Variants in VGLL3 observed in about 807,000 individuals in gnomAD.
The protein encoded by VGLL3 is vestigial like family member 3, also known as transcription cofactor vestigial-like protein 3.
VGLL3 carries 18 observed loss-of-function variants against 29.2 expected under a neutral mutation model. The observed-to-expected ratio is 0.62, with a 90% CI of 0.43 to 0.91. The LOEUF is 0.91. Among genes scored for constraint, VGLL3 ranks in the 40% least tolerant of loss-of-function variants. VGLL3 has a pLI of 0.00. For missense variants in VGLL3, 440 were observed against 413.2 expected, an observed-to-expected ratio of 1.06 and a Z score of -0.56; for synonymous variants, 180 against 151.8, an observed-to-expected ratio of 1.19 and a Z score of -1.36.
At chr3:86,962,152 C>T in intron 3 of VGLL3, 5 of 985,356 alleles carry the variant, frequency 5.1e-6, no homozygotes, top group Non-Finnish European at 6.0e-6. Flanking sequence ...ATAACAGCCT[C>T]TTGGTAAAGA....
At chr3:86,983,887 T>C (rs1212772329) in intron 1 of VGLL3, among the ~76,000 whole-genome samples, 1 of 152,152 alleles carries the variant, frequency 6.6e-6, no homozygotes, top group Non-Finnish European at 1.5e-5. Flanking sequence ...AATATGCAAA[T>C]TACTGGGTCA....
At chr3:86,963,734 C>G (rs950952217) in intron 3 of VGLL3, among the ~76,000 whole-genome samples, 2 of 152,100 alleles carry the variant, frequency 1.3e-5, no homozygotes, top group African/African-American at 4.8e-5. Flanking sequence ...TCAAAACAAT[C>G]CTATTAGGCA....
chr3:86,953,176 T>G (rs1704648866), intron 3 of VGLL3, among the ~76,000 whole-genome samples: 1 of 152,136 alleles, frequency 6.6e-6, no homozygotes, highest in African/African-American at 2.4e-5. Context: ...TCAAGTTACA[T>G]AGTGTTTAGA....
intron 1 of VGLL3, 84 bp downstream of exon 1, chr3:86,990,534 C>G: frequency 7.7e-7 from 1 of 1,301,802 alleles, no homozygotes. Context: ...CCACGCGTGC[C>G]GGCGGGACGT....
intron 3 of VGLL3, among the ~76,000 whole-genome samples, chr3:86,952,594 A>G (rs146990672): frequency 8.5e-5 from 13 of 152,320 alleles, no homozygotes; most frequent in South Asian, 2.1e-4. Context: ...TAGCATTTGT[A>G]TGGGTAAGTG....
intron 1 of VGLL3, among the ~76,000 whole-genome samples, chr3:86,988,928 G>C (rs1264949610): frequency 6.6e-6 from 1 of 151,842 alleles, no homozygotes; most frequent in Non-Finnish European, 1.5e-5. Context: ...GTTGTCTTCA[G>C]TATGTTGACG....
chr3:86,990,603 C>T lies in VGLL3; in HGVS notation c.126+15G>A, dbSNP rs746776435. ...TCGCCCCCGCCCCCAGCAGGCTGCC[C>T]GTCCGGTGACTCACCTGCTGGCCAG... On this transcript the variant is annotated intron_variant, in intron 1 of 3. Coordinates refer to ENST00000398399, the MANE Select transcript of VGLL3 (RefSeq NM_016206.4). 25 of 1,335,900 alleles carry T rather than the reference C, an allele frequency of 1.9e-5. No individual in the cohort carries two copies. Among genetic ancestry groups the T allele is most frequent in the Non-Finnish European group, 2.4e-5 (25 of 1,034,370 alleles). The allele number at this position is 1,335,900 out of a possible 1,614,324, so 82.8% of individuals were successfully genotyped here.
At chr3:86,987,869 C>T (rs989633471) in intron 1 of VGLL3, among the ~76,000 whole-genome samples, 4 of 152,150 alleles carry the variant, frequency 2.6e-5, no homozygotes, top group Admixed American at 2.6e-4. Flanking sequence ...CTACAACATG[C>T]AATATGTTCA....
At chr3:86,964,064 T>G (rs1704911149) in intron 3 of VGLL3, among the ~76,000 whole-genome samples, 1 of 152,044 alleles carries the variant, frequency 6.6e-6, no homozygotes, top group East Asian at 1.9e-4. Context: ...ACCCATGAAT[T>G]AAGAATGCAG....
At position 86,978,659 on chromosome 3, in the gene VGLL3, A is replaced by G; in HGVS notation, c.270T>C (p.Leu90=). ...CAATGTCTCCCTGGAAATAAGTGAAAAGGACACAGCGAGAGTTAAGGTACT... is the reference window on the plus strand; with the variant it reads ...CAATGTCTCCCTGGAAATAAGTGAAGAGGACACAGCGAGAGTTAAGGTACT... The part of the protein sequence containing the change: ...EMEYLNSRCV[L]FTYFQGDIGS... The change falls in exon 2 of 4, where the codon CTT becomes CTC. Residue 90 remains leucine, a synonymous_variant. Transcript: ENST00000398399. 6.2e-7 allele frequency: 1 copy of G among 1,614,098 alleles called. No homozygotes were observed. The highest frequency in any genetic ancestry group is 8.5e-7 in the Non-Finnish European group (1 of 1,180,000).
chr3:86,952,943 C>T (rs1704645407), intron 3 of VGLL3, among the ~76,000 whole-genome samples: 1 of 152,082 alleles, frequency 6.6e-6, no homozygotes, highest in South Asian at 2.1e-4. Flanking sequence ...ATTTGTTTGT[C>T]TGAGCCCTGA....
chr3:86,982,593 C>G (rs1705349848), intron 1 of VGLL3, among the ~76,000 whole-genome samples: 2 of 152,014 alleles, frequency 1.3e-5, no homozygotes, highest in Non-Finnish European at 2.9e-5. Flanking sequence ...AACATCGAGA[C>G]TAAATATCAA....
At chr3:86,966,132 C>A (rs78557435) in intron 3 of VGLL3, among the ~76,000 whole-genome samples, 20 of 152,178 alleles carry the variant, frequency 1.3e-4, no homozygotes, top group African/African-American at 4.8e-4. Context: ...CCTGCTTGTG[C>A]CTTTTGTAGG....
intron 3 of VGLL3, among the ~76,000 whole-genome samples, chr3:86,954,375 T>G (rs911985962): frequency 6.6e-6 from 1 of 152,176 alleles, no homozygotes; most frequent in African/African-American, 2.4e-5. Context: ...AGCAAGCCAC[T>G]TTATTCTGTT....
At chr3:86,961,751 A>G (rs1004851186) in intron 3 of VGLL3, among the ~76,000 whole-genome samples, 1 of 152,192 alleles carries the variant, frequency 6.6e-6, no homozygotes, top group Non-Finnish European at 1.5e-5. Flanking sequence ...AACCTAGGTT[A>G]CACGCAGCTT....
chr3:86,967,855 A>G (rs1343655266), intron 3 of VGLL3, among the ~76,000 whole-genome samples: 1 of 152,196 alleles, frequency 6.6e-6, no homozygotes, highest in Non-Finnish European at 1.5e-5. Flanking sequence ...CTTCAGAACT[A>G]TTGAATTCCA....
intron 1 of VGLL3, among the ~76,000 whole-genome samples, chr3:86,985,344 CTTT>C (rs1346773211): frequency 1.3e-5 from 2 of 152,178 alleles, no homozygotes; most frequent in Admixed American, 6.5e-5. Context: ...AAAGGATAGA[CTTT>C]TAGAGTCCCC....
chr3:86,978,475 G>T, intron 2 of VGLL3, 51 bp downstream of exon 2: 1 of 1,583,972 alleles, frequency 6.3e-7, no homozygotes, highest in Non-Finnish European at 8.6e-7. Flanking sequence ...GGTACAGGCA[G>T]TTGCGAAACA....
rs560857465 is a variant in VGLL3, at chr3:86,962,444, A to T, written c.937+6146T>A. 18 of 985,438 alleles carry T rather than the reference A, an allele frequency of 1.8e-5. 1 individual carries two copies. In the East Asian group the frequency reaches 1.6e-3, roughly 87 times the overall value. 61.0% of individuals were successfully genotyped at this position (985,438 alleles called of 1,614,324 possible). ...CCTCACCACCACTCAGCCCTTCGGA[A>T]AAAATGGACCACCTTACTTCATTCC... On this transcript the variant is annotated intron_variant, in intron 3 of 3. Coordinates refer to ENST00000398399, the MANE Select transcript of VGLL3 (RefSeq NM_016206.4).
Sources: allele counts gnomAD v4.1 joint callset (sites outside exome capture counted in the v4.1 genomes callset), GRCh38; gene constraint gnomAD v4.1.1; transcripts MANE v1.5; gene names NCBI Gene and HGNC (gene_info 2026-07-23, HGNC 2026-07-21).